GRIN3A: variants seen among roughly 807,000 people sequenced by gnomAD.
GRIN3A encodes the protein glutamate ionotropic receptor NMDA type subunit 3A, also known as glutamate receptor ionotropic, NMDA 3A.
A neutral mutation model predicts 92.4 loss-of-function variants in GRIN3A; 47 were observed. The observed-to-expected ratio is 0.51, with a 90% CI of 0.40 to 0.65. The LOEUF (loss-of-function observed/expected upper bound fraction) is 0.65, where lower values mean the gene tolerates loss of function less well. Ranked by LOEUF, GRIN3A falls within the 30% of genes least tolerant of loss-of-function variation. The probability of loss-of-function intolerance (pLI) is 0.00; values close to 1 mark genes in which losing one functional copy is unlikely to be tolerated. For synonymous variants in GRIN3A, 527 were observed against 540.6 expected, an observed-to-expected ratio of 0.97 and a Z score of 0.35; for missense variants, 1,324 against 1,393.1, an observed-to-expected ratio of 0.95 and a Z score of 0.79.
At chr9:101,665,843 A>G (rs1156727158) in intron 3 of GRIN3A, among the ~76,000 whole-genome samples, 2 of 152,002 alleles carry the variant, frequency 1.3e-5, no homozygotes, top group African/African-American at 4.8e-5. Flanking sequence ...AAAGGCAAAA[A>G]CTGCAATTAC....
At chr9:101,671,237 A>G in intron 2 of GRIN3A, 130 bp from the exon 3 acceptor site, 1 of 718,524 alleles carries the variant, frequency 1.4e-6, no homozygotes, top group Non-Finnish European at 2.5e-6. Flanking sequence ...CAGTGCCTAT[A>G]ATTTCTTCAA....
At chr9:101,627,281 G>A (rs1292614868) in intron 4 of GRIN3A, among the ~76,000 whole-genome samples, 1 of 152,134 alleles carries the variant, frequency 6.6e-6, no homozygotes, top group African/African-American at 2.4e-5. Context: ...AAATATGAGA[G>A]AACAAGGCTT....
chr9:101,656,500 G>A (rs1403107923), intron 3 of GRIN3A, among the ~76,000 whole-genome samples: 1 of 151,896 alleles, frequency 6.6e-6, no homozygotes, highest in East Asian at 2.0e-4. Flanking sequence ...AGTGGGGCCA[G>A]CAGCAGTAGT....
At chr9:101,676,891 CTT>C (rs1401740364) in intron 2 of GRIN3A, among the ~76,000 whole-genome samples, 1 of 150,720 alleles carries the variant, frequency 6.6e-6, no homozygotes, top group African/African-American at 2.4e-5. Context: ...GAAAGAGAAA[CTT>C]GACATAGATG....
chr9:101,699,817 C>T (rs1339391144), intron 1 of GRIN3A, among the ~76,000 whole-genome samples: 2 of 152,154 alleles, frequency 1.3e-5, no homozygotes, highest in South Asian at 2.1e-4. Context: ...TTTCTGATGA[C>T]CTTCAAAGCC....
chr9:101,616,313 T>G (rs766275993), intron 5 of GRIN3A, among the ~76,000 whole-genome samples: 7 of 152,198 alleles, frequency 4.6e-5, no homozygotes, highest in Non-Finnish European at 7.3e-5. Flanking sequence ...TTCCTTCTAA[T>G]AAATTACCCA....
intron 3 of GRIN3A, among the ~76,000 whole-genome samples, chr9:101,657,203 T>C (rs1190338077): frequency 1.3e-5 from 2 of 151,924 alleles, no homozygotes; most frequent in Non-Finnish European, 2.9e-5. Flanking sequence ...CTGATATCTT[T>C]ATATTCTAGT....
intron 6 of GRIN3A, among the ~76,000 whole-genome samples, chr9:101,586,628 T>C (rs1827954438): frequency 1.3e-5 from 2 of 152,226 alleles, no homozygotes; most frequent in Admixed American, 1.3e-4. Context: ...TTTAAATTAC[T>C]GAAGTAAAAC....
At chr9:101,705,854 T>C (rs1303280006) in intron 1 of GRIN3A, among the ~76,000 whole-genome samples, 1 of 152,228 alleles carries the variant, frequency 6.6e-6, no homozygotes, top group Non-Finnish European at 1.5e-5. Flanking sequence ...AACTCTATGA[T>C]GTAGTAACTA....
rs370315057 is a variant in GRIN3A at position 101,692,920 on chromosome 9, G to T, written c.700-5720C>A. On this transcript the variant is annotated intron_variant, in intron 1 of 8. Coordinates refer to ENST00000361820, the MANE Select transcript of GRIN3A (RefSeq NM_133445.3). ...AAGGTGTAGTCCCTGCCCAGAAATT[G>T]TAATTTAATAATAATTATACAAATG... Among the ~76,000 whole-genome samples the T allele has an allele frequency of 6.6e-5, 10 of 152,222 alleles. No homozygotes were observed. In the South Asian group the frequency reaches 1.7e-3, roughly 25 times the overall value.
chr9:101,642,784 C>A (rs1260037306), intron 3 of GRIN3A, among the ~76,000 whole-genome samples: 1 of 152,038 alleles, frequency 6.6e-6, no homozygotes, highest in East Asian at 1.9e-4. Context: ...TATTGTGAAC[C>A]CCACGTGCGA....
At chr9:101,652,894 A>G (rs1829032621) in intron 3 of GRIN3A, among the ~76,000 whole-genome samples, 1 of 151,810 alleles carries the variant, frequency 6.6e-6, no homozygotes, top group African/African-American at 2.4e-5. Context: ...ATGTTGCAAG[A>G]CAGCTTCCAT....
intron 5 of GRIN3A, among the ~76,000 whole-genome samples, chr9:101,620,413 T>TG (rs1828534329): frequency 6.6e-6 from 1 of 152,120 alleles, no homozygotes; most frequent in Non-Finnish European, 1.5e-5. Context: ...CATATGAATC[T>TG]GGGGGGAGGC....
intron 1 of GRIN3A, among the ~76,000 whole-genome samples, chr9:101,720,172 C>T (rs76509547): frequency 0.014 from 2,060 of 152,234 alleles, 26 homozygotes; most frequent in South Asian, 0.024. Context: ...TTCCTGTTGC[C>T]AAATTAGTAC....
At chr9:101,668,034 T>C (rs1469236369) in intron 3 of GRIN3A, among the ~76,000 whole-genome samples, 1 of 152,110 alleles carries the variant, frequency 6.6e-6, no homozygotes, top group Admixed American at 6.6e-5. Flanking sequence ...ACTCACTAGT[T>C]GTAATGCAAA....
At chr9:101,732,610 A>G (rs568456442) in intron 1 of GRIN3A, among the ~76,000 whole-genome samples, 2 of 152,034 alleles carry the variant, frequency 1.3e-5, no homozygotes, top group Non-Finnish European at 2.9e-5. Context: ...AATGAGGGAG[A>G]GGGTAAAGAG....
intron 4 of GRIN3A, among the ~76,000 whole-genome samples, chr9:101,626,177 C>G (rs1012197638): frequency 2.0e-5 from 3 of 152,230 alleles, no homozygotes; most frequent in Non-Finnish European, 4.4e-5. Context: ...ATTATAGAAT[C>G]ATGCCCTGTC....
intron 3 of GRIN3A, among the ~76,000 whole-genome samples, chr9:101,668,509 A>C (rs1829271856): frequency 6.6e-6 from 1 of 152,098 alleles, no homozygotes; most frequent in African/African-American, 2.4e-5. Flanking sequence ...CCTGGGGCAA[A>C]GAATAAACAA....
chr9:101,623,733 T>TA (rs1828589422), intron 4 of GRIN3A, among the ~76,000 whole-genome samples: 1 of 152,250 alleles, frequency 6.6e-6, no homozygotes, highest in African/African-American at 2.4e-5. Flanking sequence ...AGGAAGCGCA[T>TA]AGAGAATGTT....
Sources: allele counts gnomAD v4.1 joint callset (sites outside exome capture counted in the v4.1 genomes callset), GRCh38; gene constraint gnomAD v4.1.1; transcripts MANE v1.5; gene names NCBI Gene and HGNC (gene_info 2026-07-23, HGNC 2026-07-21).